MYZAP: variants seen among roughly 807,000 people sequenced by gnomAD.
The protein encoded by MYZAP is myocardial zonula adherens protein.
MYZAP carries 66 observed loss-of-function variants against 69.4 expected under a neutral mutation model. The observed-to-expected ratio is 0.95, with a 90% confidence interval of 0.78 to 1.17. The LOEUF (loss-of-function observed/expected upper bound fraction) is 1.17, where lower values mean the gene tolerates loss of function less well. Ranked by LOEUF, MYZAP falls within the 50% of genes most tolerant of loss-of-function variation. The pLI, the probability that MYZAP is intolerant of heterozygous loss-of-function variation, is 0.00. For missense variants in MYZAP, 611 were observed against 556.2 expected (o/e 1.10, Z -0.99); for synonymous variants, 256 against 205.9 (o/e 1.24, Z -2.09).
chr15:57,660,055 G>T (rs1443934463), intron 10 of MYZAP, among the ~76,000 whole-genome samples: 2 of 152,078 alleles, frequency 1.3e-5, no homozygotes, highest in Non-Finnish European at 2.9e-5. Context: ...TTTGAGATCT[G>T]CATTTTTTGG....
chr15:57,599,817 G>C (rs2034302343), intron 1 of MYZAP: 1 of 732,206 alleles, frequency 1.4e-6, no homozygotes, highest in Admixed American at 2.3e-5. Context: ...GGTGGTTCAG[G>C]GGTTACTGTC....
intron 10 of MYZAP, among the ~76,000 whole-genome samples, chr15:57,657,899 C>T (rs2038084448): frequency 1.3e-5 from 2 of 152,194 alleles, no homozygotes; most frequent in Admixed American, 6.5e-5. Context: ...CCTCCCAGTC[C>T]TGCCAACGCT....
chr15:57,637,903 C>T (rs1184730290), intron 9 of MYZAP, 129 bp downstream of exon 9: 5 of 969,418 alleles, frequency 5.2e-6, no homozygotes, highest in Non-Finnish European at 7.5e-6. Context: ...GCATACATAA[C>T]ATTGGGCTGA....
intron 10 of MYZAP, among the ~76,000 whole-genome samples, chr15:57,642,460 G>T (rs1419331503): frequency 6.6e-6 from 1 of 152,182 alleles, no homozygotes; most frequent in African/African-American, 2.4e-5. Context: ...TTTCATCTGT[G>T]AACTCCGGCT....
intron 11 of MYZAP, among the ~76,000 whole-genome samples, chr15:57,662,744 C>G (rs1258811288): frequency 1.3e-5 from 2 of 152,050 alleles, no homozygotes; most frequent in African/African-American, 4.8e-5. Context: ...AGAAGTCTGC[C>G]CAAGGTTACA....
At chr15:57,636,034 G>A (rs997625194) in intron 8 of MYZAP, among the ~76,000 whole-genome samples, 41 of 152,182 alleles carry the variant, frequency 2.7e-4, no homozygotes, top group Admixed American at 6.5e-4. Context: ...ATTGTGCAGT[G>A]TACACTTAAG....
chr15:57,600,453 GGT>G (rs2034337878), intron 1 of MYZAP, among the ~76,000 whole-genome samples: 1 of 152,092 alleles, frequency 6.6e-6, no homozygotes, highest in Admixed American at 6.6e-5. Context: ...TATACCTCAG[GGT>G]ATTGCTCAGT....
At chr15:57,606,799 T>A (rs1005387388) in intron 2 of MYZAP, among the ~76,000 whole-genome samples, 3 of 152,220 alleles carry the variant, frequency 2.0e-5, no homozygotes, top group Admixed American at 6.5e-5. Flanking sequence ...ATATTACATA[T>A]TATTGAATAA....
At chr15:57,632,397 T>C in intron 6 of MYZAP, 37 bp from the exon 7 acceptor site, 1 of 1,613,446 alleles carries the variant, frequency 6.2e-7, no homozygotes, top group Non-Finnish European at 8.5e-7. Flanking sequence ...CTCTGGGCCC[T>C]GCAAAAGCTG....
At chr15:57,651,867 T>G (rs1024081916) in intron 10 of MYZAP, among the ~76,000 whole-genome samples, 5 of 152,226 alleles carry the variant, frequency 3.3e-5, no homozygotes, top group African/African-American at 1.2e-4. Flanking sequence ...AAGTCATGTT[T>G]AGGTACCCGG....
At chr15:57,657,893 C>T (rs1433856668) in intron 10 of MYZAP, among the ~76,000 whole-genome samples, 1 of 152,170 alleles carries the variant, frequency 6.6e-6, no homozygotes, top group Non-Finnish European at 1.5e-5. Context: ...GCTGCCCCTC[C>T]CAGTCCTGCC....
In MYZAP at chr15:57,656,787, T is replaced by C. The variant is rs193032232; in HGVS notation, c.1120-4663T>C. Among the ~76,000 whole-genome samples, 203 of 152,312 alleles carry C rather than the reference T, an allele frequency of 1.3e-3. 1 individual carries two copies. The highest frequency in any genetic ancestry group is 4.4e-3 in the African/African-American group (183 of 41,584). ...GAATATACTAGAAAAGAAGTTTCTG[T>C]AAGAAATGTTCCAGGATAAAAGCAA... On this transcript the variant is annotated intron_variant, in intron 10 of 12. Transcript: ENST00000267853.
intron 2 of MYZAP, among the ~76,000 whole-genome samples, chr15:57,613,582 G>C (rs115983688): frequency 6.6e-6 from 1 of 151,372 alleles, no homozygotes; most frequent in Non-Finnish European, 1.5e-5. Context: ...TGTTGCCCAG[G>C]CTGGTCTCAA....
chr15:57,634,634 G>C (rs1208155394), intron 8 of MYZAP, among the ~76,000 whole-genome samples: 2 of 152,200 alleles, frequency 1.3e-5, no homozygotes, highest in South Asian at 2.1e-4. Context: ...ATAAGCCCCT[G>C]TACTGTCCCC....
intron 1 of MYZAP, among the ~76,000 whole-genome samples, chr15:57,596,000 T>C (rs2034033917): frequency 6.6e-6 from 1 of 152,144 alleles, no homozygotes; most frequent in Non-Finnish European, 1.5e-5. Context: ...CCTGTGCCGG[T>C]CAAAAATGAT....
At position 57,646,392 on chromosome 15, in the gene MYZAP, C is replaced by G. The variant is rs568414931; in HGVS notation, c.1119+6847C>G. The G allele has an allele frequency of 3.5e-6, 4 of 1,137,620 alleles. 1 individual carries two copies. In the South Asian group the frequency reaches 7.9e-5, roughly 22 times the overall value. 70.5% of individuals were successfully genotyped at this position (1,137,620 alleles called of 1,614,324 possible). On this transcript the variant is annotated intron_variant, in intron 10 of 12. Transcript: ENST00000267853. Reference sequence around the variant, plus strand: ...AAACACCCACATACTGTCACCCTGACTTGTACAGCCTCAAACTGCAGAGTC... The same window carrying G: ...AAACACCCACATACTGTCACCCTGAGTTGTACAGCCTCAAACTGCAGAGTC...
In MYZAP at chr15:57,684,684, G is replaced by A. The variant is rs2039610001; in HGVS notation, c.*186G>A. ...AAGGCAGAGTGAGCAGGTAAGAGAG[G>A]GATATACAAGGTCACATTTCAGACA... On this transcript the variant is annotated 3_prime_UTR_variant, in exon 13 of 13. Transcript: ENST00000267853. 5.9e-6 allele frequency: 3 copies of A among 510,590 alleles called. No homozygotes were observed. Among genetic ancestry groups the A allele is most frequent in the South Asian group, 3.0e-5 (1 of 33,444 alleles). The allele number at this position is 510,590 out of a possible 1,614,324, so 31.6% of individuals were successfully genotyped here.
intron 3 of MYZAP, among the ~76,000 whole-genome samples, chr15:57,620,493 C>A (rs2035738743): frequency 1.3e-5 from 2 of 152,302 alleles, no homozygotes; most frequent in African/African-American, 4.8e-5. Context: ...AGGGAGGAGA[C>A]AGGGACTGTT....
At chr15:57,598,296 G>T (rs1480466555) in intron 1 of MYZAP, among the ~76,000 whole-genome samples, 1 of 152,178 alleles carries the variant, frequency 6.6e-6, no homozygotes, top group African/African-American at 2.4e-5. Flanking sequence ...GCTTTTTCTT[G>T]TGGAGGAAAC....
Sources: gnomAD v4.1 joint callset for allele counts (sites outside exome capture counted in the v4.1 genomes callset) on GRCh38, gnomAD v4.1.1 for gene constraint, MANE v1.5 for transcripts, NCBI Gene and HGNC (gene_info 2026-07-23, HGNC 2026-07-21) for gene names.